Variants in NAALADL2 observed in about 807,000 individuals in gnomAD.
The protein encoded by NAALADL2 is N-acetylated alpha-linked acidic dipeptidase like 2.
A neutral mutation model predicts 87.2 loss-of-function variants in NAALADL2; 76 were observed. The observed-to-expected ratio is 0.87, with a 90% CI of 0.72 to 1.05. The LOEUF (loss-of-function observed/expected upper bound fraction) is 1.05. Among genes scored for constraint, NAALADL2 ranks in the 50% least tolerant of loss-of-function variants. The pLI is 0.00. For synonymous variants in NAALADL2, 354 were observed against 331.0 expected (o/e 1.07, Z -0.75); for missense variants, 1,089 against 945.8 (o/e 1.15, Z -1.99).
At chr3:174,444,667 G>A (rs1051843047) in intron 1 of NAALADL2, among the ~76,000 whole-genome samples, 2 of 152,106 alleles carry the variant, frequency 1.3e-5, no homozygotes, top group African/African-American at 2.4e-5. Flanking sequence ...CTACAGTAAC[G>A]TTCTAAGAAT....
chr3:174,656,771 G>T (rs1724979412), intron 2 of NAALADL2, among the ~76,000 whole-genome samples: 1 of 151,838 alleles, frequency 6.6e-6, no homozygotes, highest in Non-Finnish European at 1.5e-5. Flanking sequence ...TCTTTGTTAT[G>T]GAAATTTCCA....
chr3:175,529,217 C>G (rs1480443626), intron 9 of NAALADL2, among the ~76,000 whole-genome samples: 1 of 152,154 alleles, frequency 6.6e-6, no homozygotes, highest in Non-Finnish European at 1.5e-5. Context: ...TCTGGGTCAG[C>G]CACCCCAGAC....
At chr3:174,567,038 A>G (rs1258290151) in intron 2 of NAALADL2, among the ~76,000 whole-genome samples, 1 of 151,698 alleles carries the variant, frequency 6.6e-6, no homozygotes, top group Non-Finnish European at 1.5e-5. Context: ...TTATCATACT[A>G]CTATGCACAT....
chr3:174,451,827 G>A (rs1315807374), intron 1 of NAALADL2, among the ~76,000 whole-genome samples: 7 of 145,682 alleles, frequency 4.8e-5, no homozygotes, highest in South Asian at 2.2e-4. Context: ...TTAATGTAGT[G>A]CTAAGGATAG....
At position 175,126,494 on chromosome 3, in the gene NAALADL2, C is replaced by T. The variant is rs555303644; in HGVS notation, c.545+29203C>T. ...CATTTCAAAAGTAACTGAACAATTC[C>T]ATTTTTAAAATTCAATCTTAGTTCC... On this transcript the variant is annotated intron_variant, in intron 2 of 13. Transcript: ENST00000454872. Among the ~76,000 whole-genome samples, 32 of 152,100 alleles carry T rather than the reference C, an allele frequency of 2.1e-4. No individual in the cohort carries two copies. The South Asian group carries it at 6.4e-3, about 31-fold the overall frequency.
At chr3:174,635,811 C>A (rs1392987916) in intron 2 of NAALADL2, among the ~76,000 whole-genome samples, 1 of 151,970 alleles carries the variant, frequency 6.6e-6, no homozygotes, top group Admixed American at 6.6e-5. Flanking sequence ...ACGATATTCA[C>A]ATTGTTATTG....
chr3:175,278,868 A>G (rs1318950919), intron 4 of NAALADL2, among the ~76,000 whole-genome samples: 1 of 152,164 alleles, frequency 6.6e-6, no homozygotes, highest in Non-Finnish European at 1.5e-5. Context: ...TAGTGATTCC[A>G]TCTATGTATC....
At chr3:175,482,384 G>A (rs984349721) in intron 9 of NAALADL2, among the ~76,000 whole-genome samples, 3 of 131,224 alleles carry the variant, frequency 2.3e-5, no homozygotes, top group South Asian at 2.9e-4. Flanking sequence ...GACTGCAGAT[G>A]TAGAGATTAT....
intron 1 of NAALADL2, among the ~76,000 whole-genome samples, chr3:174,959,397 T>G (rs1741650982): frequency 2.0e-5 from 3 of 152,050 alleles, no homozygotes; most frequent in Non-Finnish European, 4.4e-5. Flanking sequence ...TTTGTGCCAT[T>G]GTGCTGCCTG....
At chr3:175,311,492 A>G (rs1758355617) in intron 4 of NAALADL2, among the ~76,000 whole-genome samples, 1 of 152,156 alleles carries the variant, frequency 6.6e-6, no homozygotes, top group African/African-American at 2.4e-5. Context: ...TATTTGTAAA[A>G]TAAGAATAAT....
intron 1 of NAALADL2, among the ~76,000 whole-genome samples, chr3:174,530,892 A>G (rs1164644724): frequency 1.3e-5 from 2 of 152,230 alleles, no homozygotes; most frequent in African/African-American, 4.8e-5. Context: ...AGGAAGTGTG[A>G]CTTAAAATAT....
At chr3:175,761,174 T>G (rs1747958164) in intron 13 of NAALADL2, among the ~76,000 whole-genome samples, 1 of 151,438 alleles carries the variant, frequency 6.6e-6, no homozygotes, top group Admixed American at 6.6e-5. Context: ...TCATATAGAA[T>G]AGTTTTACTG....
intron 9 of NAALADL2, among the ~76,000 whole-genome samples, chr3:175,537,111 C>T (rs918430793): frequency 1.3e-5 from 2 of 152,144 alleles, no homozygotes; most frequent in Non-Finnish European, 2.9e-5. Flanking sequence ...CTATTATTAT[C>T]CTTTTAGAGA....
chr3:174,971,703 T>TGTG (rs1743678184), intron 1 of NAALADL2, among the ~76,000 whole-genome samples: 1 of 87,068 alleles, frequency 1.1e-5, no homozygotes, highest in Non-Finnish European at 2.5e-5. Context: ...GTGTGTGTGT[T>TGTG]TAGTTTGTTT....
intron 9 of NAALADL2, among the ~76,000 whole-genome samples, chr3:175,472,472 A>C (rs1359841768): frequency 6.6e-6 from 1 of 152,144 alleles, no homozygotes; most frequent in African/African-American, 2.4e-5. Context: ...GAAAACAATC[A>C]TACCACAACT....
intron 5 of NAALADL2, among the ~76,000 whole-genome samples, chr3:175,413,112 ATCTCCTG>A (rs1713897925): frequency 1.4e-5 from 2 of 142,980 alleles, no homozygotes; most frequent in African/African-American, 5.1e-5. Flanking sequence ...GATGGCCTCA[ATCTCCTG>A]ACCTCGTGAT....
At chr3:174,833,841 C>T (rs1287240675) in intron 3 of NAALADL2, among the ~76,000 whole-genome samples, 207 of 147,784 alleles carry the variant, frequency 1.4e-3, no homozygotes, top group African/African-American at 5.1e-3. Flanking sequence ...AGAGATTTGC[C>T]AAAATTTAAT....
At chr3:175,592,259 T>A (rs1279302931) in intron 10 of NAALADL2, among the ~76,000 whole-genome samples, 2 of 152,052 alleles carry the variant, frequency 1.3e-5, no homozygotes, top group Admixed American at 1.3e-4. Flanking sequence ...AAATCATCAT[T>A]GACTATTTTG....
At chr3:175,436,581 T>A (rs1363405448) in intron 5 of NAALADL2, among the ~76,000 whole-genome samples, 5 of 146,932 alleles carry the variant, frequency 3.4e-5, no homozygotes, top group African/African-American at 1.3e-4. Flanking sequence ...TGGTTTTGAT[T>A]TGCATTTCTC....
Sources: allele counts gnomAD v4.1 joint callset (sites outside exome capture counted in the v4.1 genomes callset), GRCh38; gene constraint gnomAD v4.1.1; transcripts MANE v1.5; gene names NCBI Gene and HGNC (gene_info 2026-07-23, HGNC 2026-07-21).